MARCHF8: variants seen among roughly 807,000 people sequenced by gnomAD.
The protein encoded by MARCHF8 is membrane associated ring-CH-type finger 8.
MARCHF8 carries 40 observed loss-of-function variants against 51.6 expected under a neutral mutation model. The observed-to-expected ratio is 0.77, with a 90% CI of 0.60 to 1.01. MARCHF8 has a LOEUF of 1.01. Ranked by LOEUF, MARCHF8 falls within the 50% of genes least tolerant of loss-of-function variation. The probability of loss-of-function intolerance (pLI) is 0.00; values close to 1 mark genes in which losing one functional copy is unlikely to be tolerated. For synonymous variants in MARCHF8, 263 were observed against 280.3 expected, an observed-to-expected ratio of 0.94 and a Z score of 0.62; for missense variants, 685 against 708.6, an observed-to-expected ratio of 0.97 and a Z score of 0.38.
At chr10:45,558,640 T>G (rs2044277695) in intron 1 of MARCHF8, among the ~76,000 whole-genome samples, 1 of 152,194 alleles carries the variant, frequency 6.6e-6, no homozygotes, top group South Asian at 2.1e-4. Flanking sequence ...TGGCTGCACT[T>G]CTGGTGCCAG....
intron 1 of MARCHF8, among the ~76,000 whole-genome samples, chr10:45,573,596 G>A (rs1305630591): frequency 6.6e-6 from 1 of 152,164 alleles, no homozygotes; most frequent in Non-Finnish European, 1.5e-5. Flanking sequence ...TCGCCCAGCA[G>A]CCACTCCCAG....
Position 45,512,381 on chromosome 10 carries a change from G to A in MARCHF8, c.102+20729C>T, listed in dbSNP as rs570447992. On this transcript the variant is annotated intron_variant, in intron 2 of 7. Transcript: ENST00000453424. Reference sequence around the variant, plus strand: ...CAGCCCCCGCCAGGCCAGCCGCCCCGTCCAGGAGGGAGGTCGGGGGGTCAG... The same window carrying A: ...CAGCCCCCGCCAGGCCAGCCGCCCCATCCAGGAGGGAGGTCGGGGGGTCAG... Among the ~76,000 whole-genome samples the A allele has an allele frequency of 5.7e-4, 86 of 149,692 alleles. No individual in the cohort carries two copies. In the East Asian group the frequency reaches 7.8e-3, roughly 14 times the overall value.
intron 2 of MARCHF8, among the ~76,000 whole-genome samples, chr10:45,525,422 C>G (rs377496615): frequency 2.0e-5 from 3 of 152,140 alleles, no homozygotes; most frequent in African/African-American, 2.4e-5. Context: ...TTTCAGGATC[C>G]CTTTATCAAG....
intron 1 of MARCHF8, among the ~76,000 whole-genome samples, chr10:45,568,687 C>T (rs2044392612): frequency 1.4e-5 from 2 of 144,352 alleles, no homozygotes; most frequent in African/African-American, 5.2e-5. Flanking sequence ...CCACTGCACT[C>T]CAGCCTGGTG....
rs531817227 is a variant in MARCHF8 at position 45,477,207 on chromosome 10, A to C, written c.153+12160T>G. ...ATATATTCAAAGTGCTAAAAGAAAA[A>C]AAAAAGGCCAGCCAAAGATACTATA... On this transcript the variant is annotated intron_variant, in intron 3 of 7. Transcript: ENST00000453424. Among the ~76,000 whole-genome samples, 201 of 152,292 alleles carry C rather than the reference A, an allele frequency of 1.3e-3. 1 individual carries two copies. The highest frequency in any genetic ancestry group is 4.4e-3 in the African/African-American group (181 of 41,562).
At chr10:45,479,055 TACAGGCCAATATCCCTG>T (rs1256147687) in intron 3 of MARCHF8, among the ~76,000 whole-genome samples, 1 of 152,102 alleles carries the variant, frequency 6.6e-6, no homozygotes, top group Non-Finnish European at 1.5e-5. Context: ...AAAATAAAAC[TACAGGCCAATATCCCTG>T]ATAGGCATAG....
At chr10:45,558,691 AG>A in intron 1 of MARCHF8, among the ~76,000 whole-genome samples, 1 of 152,364 alleles carries the variant, frequency 6.6e-6, no homozygotes, top group East Asian at 1.9e-4. Flanking sequence ...CAGCACTAGC[AG>A]GCTGTGTGTA....
intron 2 of MARCHF8, among the ~76,000 whole-genome samples, chr10:45,514,617 C>G (rs751715471): frequency 6.6e-6 from 1 of 152,212 alleles, no homozygotes; most frequent in Non-Finnish European, 1.5e-5. Flanking sequence ...TCCATTCTAG[C>G]AACCAATTTC....
chr10:45,574,204 C>T (rs371462744), intron 1 of MARCHF8, among the ~76,000 whole-genome samples: 3 of 152,198 alleles, frequency 2.0e-5, no homozygotes, highest in South Asian at 4.1e-4. Flanking sequence ...TCCCATCCCA[C>T]AGCACGCTTT....
intron 2 of MARCHF8, among the ~76,000 whole-genome samples, chr10:45,517,911 T>A (rs1377998232): frequency 6.6e-6 from 1 of 152,216 alleles, no homozygotes; most frequent in Non-Finnish European, 1.5e-5. Flanking sequence ...CAAACAAGCA[T>A]AAGAGACTGC....
At chr10:45,469,676 T>G (rs1720955073) in intron 3 of MARCHF8, among the ~76,000 whole-genome samples, 1 of 151,726 alleles carries the variant, frequency 6.6e-6, no homozygotes. Flanking sequence ...CCATCCTGGC[T>G]AACACGGTGA....
intron 2 of MARCHF8, among the ~76,000 whole-genome samples, chr10:45,495,079 G>A (rs746957750): frequency 4.5e-4 from 68 of 149,804 alleles, no homozygotes; most frequent in African/African-American, 1.7e-3. Context: ...GAGATCGCGC[G>A]ACTGAACTCC....
intron 2 of MARCHF8, among the ~76,000 whole-genome samples, chr10:45,528,539 A>G (rs989619437): frequency 2.2e-4 from 33 of 152,316 alleles, no homozygotes; most frequent in African/African-American, 7.7e-4. Context: ...AGCTTAGCGC[A>G]GCCTCGACCT....
chr10:45,583,546 T>G (rs1050894958), intron 1 of MARCHF8, among the ~76,000 whole-genome samples: 1 of 152,336 alleles, frequency 6.6e-6, no homozygotes, highest in East Asian at 1.9e-4. Flanking sequence ...AAATATTTAT[T>G]GATTGCTAGG....
chr10:45,527,792 C>G (rs1328248169), intron 2 of MARCHF8, among the ~76,000 whole-genome samples: 1 of 152,064 alleles, frequency 6.6e-6, no homozygotes, highest in Admixed American at 6.5e-5. Flanking sequence ...AGCAAGGACA[C>G]ACAAAAACAG....
At chr10:45,488,096 T>C (rs1441913378) in intron 3 of MARCHF8, among the ~76,000 whole-genome samples, 2 of 152,116 alleles carry the variant, frequency 1.3e-5, no homozygotes, top group African/African-American at 2.4e-5. Context: ...TCCCAGGCCA[T>C]ACCCTAGCAG....
intron 2 of MARCHF8, among the ~76,000 whole-genome samples, chr10:45,523,317 G>A (rs2043739671): frequency 1.3e-5 from 2 of 152,188 alleles, no homozygotes; most frequent in African/African-American, 4.8e-5. Context: ...CTTGAGGCCA[G>A]GAGTTTGAGG....
chr10:45,493,675 A>G (rs2043123898), intron 2 of MARCHF8, among the ~76,000 whole-genome samples: 1 of 152,156 alleles, frequency 6.6e-6, no homozygotes, highest in Non-Finnish European at 1.5e-5. Context: ...ATTTCCAAAA[A>G]GCTCCCAGGT....
intron 1 of MARCHF8, among the ~76,000 whole-genome samples, chr10:45,573,064 G>A (rs532646399): frequency 4.6e-5 from 7 of 151,744 alleles, no homozygotes; most frequent in South Asian, 4.2e-4. Context: ...TTTCTTTATC[G>A]GACCTCTCCC....
Sources: gnomAD v4.1 joint callset for allele counts (sites outside exome capture counted in the v4.1 genomes callset) on GRCh38, gnomAD v4.1.1 for gene constraint, MANE v1.5 for transcripts, NCBI Gene and HGNC (gene_info 2026-07-23, HGNC 2026-07-21) for gene names.